Variants in SH3BGRL2 observed in about 807,000 individuals in gnomAD.
SH3BGRL2 encodes the protein SH3 domain-binding glutamic acid-rich-like protein 2.
SH3BGRL2 carries 21 observed loss-of-function variants against 14.8 expected under a neutral mutation model. The ratio of observed to expected loss-of-function variants is 1.42; its 90% CI spans 1.01 to 2.05. SH3BGRL2 has a LOEUF of 2.05. Among genes scored for constraint, SH3BGRL2 ranks in the 30% most tolerant of loss-of-function variants. The probability of loss-of-function intolerance (pLI) is 0.00; values close to 1 mark genes in which losing one functional copy is unlikely to be tolerated. For missense variants in SH3BGRL2, 147 were observed against 130.8 expected (o/e 1.12, Z -0.61); for synonymous variants, 50 against 47.8 (o/e 1.05, Z -0.19).
the SH3BGRL2 span, among the ~76,000 whole-genome samples, chr6:79,539,161 A>G: frequency 3.9e-5 from 6 of 152,354 alleles, no homozygotes; most frequent in South Asian, 2.1e-4. Context: ...TTGACCTTGA[A>G]AAAAGACCAA....
chr6:79,579,602 G>C, the SH3BGRL2 span, among the ~76,000 whole-genome samples: 174 of 152,242 alleles, frequency 1.1e-3, no homozygotes, highest in African/African-American at 3.9e-3. Flanking sequence ...CAAATGCTGA[G>C]AGATTTTGTC....
At chr6:79,668,286 G>T (rs1424920679) in intron 1 of SH3BGRL2, among the ~76,000 whole-genome samples, 1 of 152,170 alleles carries the variant, frequency 6.6e-6, no homozygotes, top group Non-Finnish European at 1.5e-5. Context: ...TCACGTGCAA[G>T]GTAATTATTT....
At chr6:79,572,273 A>G in the SH3BGRL2 span, among the ~76,000 whole-genome samples, 1 of 152,296 alleles carries the variant, frequency 6.6e-6, no homozygotes, top group East Asian at 1.9e-4. Flanking sequence ...GTATACACAT[A>G]TGATATCTTC....
intron 1 of SH3BGRL2, among the ~76,000 whole-genome samples, chr6:79,658,278 G>A (rs892935273): frequency 2.2e-4 from 34 of 152,252 alleles, no homozygotes; most frequent in African/African-American, 7.9e-4. Context: ...ATATTCTAAT[G>A]CTATCCCTCA....
At chr6:79,566,324 C>T in the SH3BGRL2 span, among the ~76,000 whole-genome samples, 31 of 152,254 alleles carry the variant, frequency 2.0e-4, no homozygotes, top group South Asian at 2.1e-4. Flanking sequence ...TACTGGACCT[C>T]AAGTTATACT....
intron 2 of SH3BGRL2, among the ~76,000 whole-genome samples, chr6:79,688,728 T>A (rs1241694627): frequency 2.0e-5 from 3 of 152,168 alleles, no homozygotes; most frequent in Admixed American, 6.5e-5. Flanking sequence ...CAGATTTTTT[T>A]ATTTTATTTA....
the SH3BGRL2 span, among the ~76,000 whole-genome samples, chr6:79,618,757 A>G: frequency 1.3e-5 from 2 of 151,800 alleles, no homozygotes; most frequent in African/African-American, 4.8e-5. Flanking sequence ...TGTCTCTACT[A>G]CAAATACAAA....
chr6:79,628,131 G>A (rs1768764220), upstream of SH3BGRL2, among the ~76,000 whole-genome samples: 2 of 151,998 alleles, frequency 1.3e-5, no homozygotes, highest in Middle Eastern at 3.4e-3. Context: ...AAATCATGAC[G>A]GCCGTTTGAT....
the SH3BGRL2 span, among the ~76,000 whole-genome samples, chr6:79,548,301 T>C: frequency 2.0e-5 from 3 of 152,254 alleles, no homozygotes; most frequent in African/African-American, 7.2e-5. Flanking sequence ...TTTAAATCTT[T>C]ATTATATTGT....
intron 3 of SH3BGRL2, 106 bp downstream of exon 3, chr6:79,696,671 T>C: frequency 1.3e-6 from 1 of 767,004 alleles, no homozygotes. Context: ...ATTTCTTAGA[T>C]TTGGGGGTTT....
At chr6:79,577,528 G>A in the SH3BGRL2 span, among the ~76,000 whole-genome samples, 1 of 152,168 alleles carries the variant, frequency 6.6e-6, no homozygotes, top group East Asian at 1.9e-4. Flanking sequence ...AGTATTGTTA[G>A]CATTTCCTCC....
intron 1 of SH3BGRL2, among the ~76,000 whole-genome samples, chr6:79,635,281 C>G (rs1036896587): frequency 6.6e-6 from 1 of 152,114 alleles, no homozygotes; most frequent in South Asian, 2.1e-4. Context: ...TTAGTGAAGC[C>G]CAACCACCTA....
chr6:79,648,255 C>CATGTATAT (rs1769182596), intron 1 of SH3BGRL2, among the ~76,000 whole-genome samples: 2 of 62,472 alleles, frequency 3.2e-5, no homozygotes, highest in African/African-American at 1.3e-4. Context: ...ATTCTTTTGG[C>CATGTATAT]ATATATATAT....
At chr6:79,676,927 A>C (rs1036903931) in intron 2 of SH3BGRL2, among the ~76,000 whole-genome samples, 1 of 152,160 alleles carries the variant, frequency 6.6e-6, no homozygotes, top group African/African-American at 2.4e-5. Flanking sequence ...TTTATATTAC[A>C]TATTGATTAA....
the SH3BGRL2 span, among the ~76,000 whole-genome samples, chr6:79,613,592 TA>T: frequency 4.1e-4 from 62 of 152,190 alleles, no homozygotes; most frequent in African/African-American, 1.5e-3. Context: ...CGACTTCAGT[TA>T]CTCCTGAAAA....
upstream of SH3BGRL2, chr6:79,631,233 C>T (rs1311942907): frequency 9.9e-6 from 4 of 402,396 alleles, no homozygotes; most frequent in East Asian, 1.5e-4. Flanking sequence ...TCCCATCAAG[C>T]CCCGCAGCCG....
At chr6:79,649,205 C>G (rs1223371821) in intron 1 of SH3BGRL2, among the ~76,000 whole-genome samples, 2 of 152,122 alleles carry the variant, frequency 1.3e-5, no homozygotes, top group Non-Finnish European at 2.9e-5. Flanking sequence ...CTGTGTTTGG[C>G]ATAGAGTGAA....
At chr6:79,562,511 A>T in the SH3BGRL2 span, among the ~76,000 whole-genome samples, 1 of 152,162 alleles carries the variant, frequency 6.6e-6, no homozygotes, top group African/African-American at 2.4e-5. Flanking sequence ...GGGCATAGAG[A>T]TGAGAGTAAG....
chr6:79,539,985 C>G, the SH3BGRL2 span, among the ~76,000 whole-genome samples: 1 of 152,140 alleles, frequency 6.6e-6, no homozygotes, highest in African/African-American at 2.4e-5. Flanking sequence ...AATTTTTTCT[C>G]TAACTTCTTG....
Sources: allele counts gnomAD v4.1 joint callset (sites outside exome capture counted in the v4.1 genomes callset), GRCh38; gene constraint gnomAD v4.1.1; transcripts MANE v1.5; gene names NCBI Gene and HGNC (gene_info 2026-07-23, HGNC 2026-07-21).